Variants in CENPP observed in about 807,000 individuals in gnomAD.
CENPP encodes the protein centromere protein P.
Under a neutral mutation model 35.6 loss-of-function variants are expected in CENPP, and 24 were observed. That is an observed-to-expected ratio of 0.67 (90% CI 0.49 to 0.95). The LOEUF (loss-of-function observed/expected upper bound fraction) is 0.95. CENPP is among the 40% of genes least tolerant of loss of function. The pLI is 0.00. For synonymous variants in CENPP, 120 were observed against 125.5 expected (o/e 0.96, Z 0.29); for missense variants, 332 against 345.3 (o/e 0.96, Z 0.31).
At chr9:92,547,125 CCAAA>C (rs949316020) in intron 5 of CENPP, among the ~76,000 whole-genome samples, 1 of 152,078 alleles carries the variant, frequency 6.6e-6, no homozygotes, top group Non-Finnish European at 1.5e-5. Flanking sequence ...GTGTAACAGT[CCAAA>C]CACTTTGTGA....
intron 5 of CENPP, among the ~76,000 whole-genome samples, chr9:92,592,000 A>G (rs896038404): frequency 1.3e-5 from 2 of 152,154 alleles, no homozygotes; most frequent in South Asian, 2.1e-4. Context: ...ACATGTATAC[A>G]TATGTAACTA....
intron 5 of CENPP, among the ~76,000 whole-genome samples, chr9:92,537,886 A>T (rs983273993): frequency 6.6e-6 from 1 of 152,182 alleles, no homozygotes; most frequent in African/African-American, 2.4e-5. Flanking sequence ...TACCCAAATA[A>T]TGCCAATGCT....
intron 5 of CENPP, among the ~76,000 whole-genome samples, chr9:92,444,395 T>G (rs1844498523): frequency 6.6e-6 from 1 of 152,010 alleles, no homozygotes; most frequent in Admixed American, 6.6e-5. Flanking sequence ...TAGATACAAG[T>G]CCCTTATCGA....
chr9:92,352,505 G>GTATATATATA (rs1554753078), intron 4 of CENPP, among the ~76,000 whole-genome samples: 2 of 49,790 alleles, frequency 4.0e-5, no homozygotes, highest in Non-Finnish European at 6.6e-5. Context: ...GTGTGTGTGT[G>GTATATATATA]TATACATATA....
chr9:92,577,050 A>T (rs917858093), intron 5 of CENPP, among the ~76,000 whole-genome samples: 1 of 152,196 alleles, frequency 6.6e-6, no homozygotes, highest in African/African-American at 2.4e-5. Context: ...AAAAAGACTA[A>T]CCCTGCCAAT....
intron 2 of CENPP, among the ~76,000 whole-genome samples, chr9:92,333,550 C>A (rs1288496402): frequency 6.6e-6 from 1 of 152,128 alleles, no homozygotes; most frequent in Non-Finnish European, 1.5e-5. Context: ...AATATGTGCT[C>A]ATTTTAGCAA....
chr9:92,424,901 C>T (rs928637927), intron 5 of CENPP, among the ~76,000 whole-genome samples: 1 of 152,070 alleles, frequency 6.6e-6, no homozygotes, highest in Non-Finnish European at 1.5e-5. Flanking sequence ...GTCTTGAACT[C>T]CTGACCTCAG....
intron 5 of CENPP, among the ~76,000 whole-genome samples, chr9:92,574,238 T>A (rs1026290676): frequency 3.9e-5 from 6 of 152,164 alleles, no homozygotes; most frequent in African/African-American, 7.2e-5. Context: ...GTATTTTTTT[T>A]AATGATGTAA....
intron 5 of CENPP, among the ~76,000 whole-genome samples, chr9:92,397,099 C>G (rs923498405): frequency 6.6e-6 from 1 of 151,798 alleles, no homozygotes; most frequent in Non-Finnish European, 1.5e-5. Flanking sequence ...ATTGCTGGAG[C>G]CCAGGAGGTC....
At chr9:92,359,011 A>G (rs1439347505) in intron 4 of CENPP, among the ~76,000 whole-genome samples, 1 of 140,726 alleles carries the variant, frequency 7.1e-6, no homozygotes, top group Non-Finnish European at 1.5e-5. Context: ...GTGTAATGGC[A>G]TGATCTGGGT....
intron 5 of CENPP, among the ~76,000 whole-genome samples, chr9:92,479,043 C>T (rs764055425): frequency 2.0e-4 from 30 of 152,258 alleles, no homozygotes; most frequent in Non-Finnish European, 3.5e-4. Context: ...CTCGTGCCAC[C>T]GTCAAGAGAG....
At chr9:92,364,112 A>G (rs1248069312) in intron 4 of CENPP, among the ~76,000 whole-genome samples, 1 of 151,960 alleles carries the variant, frequency 6.6e-6, no homozygotes, top group Non-Finnish European at 1.5e-5. Flanking sequence ...GGCATCCCAA[A>G]GTGCTGGGAT....
At chr9:92,594,106 G>A (rs563604186) in intron 5 of CENPP, among the ~76,000 whole-genome samples, 1 of 152,150 alleles carries the variant, frequency 6.6e-6, no homozygotes, top group African/African-American at 2.4e-5. Flanking sequence ...ACTGGGTGTG[G>A]GATATGTAAG....
intron 5 of CENPP, among the ~76,000 whole-genome samples, chr9:92,489,949 C>G (rs931918712): frequency 6.6e-6 from 1 of 152,070 alleles, no homozygotes; most frequent in African/African-American, 2.4e-5. Flanking sequence ...TGTATTAGAC[C>G]CACTCCTTTT....
chr9:92,448,511 T>G (rs1024417430), intron 5 of CENPP, among the ~76,000 whole-genome samples: 1 of 150,360 alleles, frequency 6.7e-6, no homozygotes, highest in Non-Finnish European at 1.5e-5. Context: ...GGGTTAGGGG[T>G]TTTTCAAAGG....
intron 5 of CENPP, chr9:92,401,036 G>A (rs1037505170): frequency 2.4e-6 from 2 of 822,958 alleles, no homozygotes; most frequent in African/African-American, 1.7e-5. Context: ...AAGGAATAAA[G>A]TCCATTATAG....
chr9:92,392,571 C>T (rs891168949), intron 5 of CENPP, among the ~76,000 whole-genome samples: 4 of 151,310 alleles, frequency 2.6e-5, no homozygotes, highest in South Asian at 2.1e-4. Context: ...GCCAAGATCA[C>T]GCCACTCTAC....
rs185219551 is a variant in CENPP at position 92,516,075 on chromosome 9, C to A, written c.565-95239C>A. Among the ~76,000 whole-genome samples, 4 of 149,672 alleles carry A rather than the reference C, an allele frequency of 2.7e-5. No homozygotes were observed. The East Asian group carries it at 7.8e-4, about 29-fold the overall frequency. On this transcript the variant is annotated intron_variant, in intron 5 of 7. Transcript: ENST00000375587. Reference sequence around the variant, plus strand: ...TTTCACAGTGCATACTTTTTTTTCCCCCCCCCGAGACGGAGTCTTGCTCTG... The same window carrying A: ...TTTCACAGTGCATACTTTTTTTTCCACCCCCCGAGACGGAGTCTTGCTCTG...
chr9:92,457,807 T>C (rs1024545940), intron 5 of CENPP, among the ~76,000 whole-genome samples: 2 of 152,172 alleles, frequency 1.3e-5, no homozygotes, highest in African/African-American at 2.4e-5. Flanking sequence ...CATACATATA[T>C]ACATAAATAC....
Sources: gnomAD v4.1 joint callset for allele counts (sites outside exome capture counted in the v4.1 genomes callset) on GRCh38, gnomAD v4.1.1 for gene constraint, MANE v1.5 for transcripts, NCBI Gene and HGNC (gene_info 2026-07-23, HGNC 2026-07-21) for gene names.